GLUL: variants seen among roughly 807,000 people sequenced by gnomAD.
The protein encoded by GLUL is glutamine synthetase.
A neutral mutation model predicts 36.9 loss-of-function variants in GLUL; 8 were observed. The observed-to-expected ratio is 0.22, with a 90% CI of 0.13 to 0.39. The LOEUF is 0.39. GLUL is among the 10% of genes least tolerant of loss of function. The pLI is 1.00. For synonymous variants in GLUL, 182 were observed against 172.8 expected (o/e 1.05, Z -0.42); for missense variants, 315 against 501.8 (o/e 0.63, Z 3.56).
At position 182,384,472 on chromosome 1, in the gene GLUL, G is replaced by A. The variant is rs775847676; in HGVS notation, c.1055C>T (p.Thr352Ile). Residue 352 changes from threonine to isoleucine, a missense_variant, in exon 7 of 7, where the codon ACA becomes ATA. This residue lies in a region of GLUL where 58 missense variants were observed against 89.5 expected (regional missense o/e 0.65). Coordinates refer to ENST00000331872, the MANE Select transcript of GLUL (RefSeq NM_001033044.4). Reference sequence around the variant, plus strand: ...AAGACACGTGCGGATGAGGGCTTCTGTCACCGAAAAGGGGTCGCAGTTGGC... The same window carrying A: ...AAGACACGTGCGGATGAGGGCTTCTATCACCGAAAAGGGGTCGCAGTTGGC... Reference protein sequence around the residue: ...PSANCDPFSVTEALIRTCLLN... With the variant: ...PSANCDPFSVIEALIRTCLLN... 4 of 1,613,852 alleles carry A rather than the reference G, an allele frequency of 2.5e-6. No individual in the cohort carries two copies. The South Asian group carries it at 4.4e-5, about 18-fold the overall frequency.
intron 1 of GLUL, chr1:182,388,992 C>A: frequency 2.2e-6 from 1 of 455,308 alleles, no homozygotes; most frequent in Non-Finnish European, 4.1e-6. Context: ...AAACAATTAA[C>A]ACAGATGCCT....
intron 1 of GLUL, chr1:182,391,379 G>C (rs1431368858): frequency 5.0e-6 from 2 of 397,522 alleles, no homozygotes; most frequent in African/African-American, 2.1e-5. Context: ...ACGGCCTCCA[G>C]GGGCGGCGCT....
chr1:182,385,020 CT>C, intron 6 of GLUL: 1 of 380,578 alleles, frequency 2.6e-6, no homozygotes, highest in South Asian at 3.3e-5. Context: ...AATTTGTCAA[CT>C]TTTCCCTGTC....
In GLUL at chr1:182,384,202, G is replaced by A; in HGVS notation, c.*203C>T. ...AAAGCTTCAGTGATAGGGAAAAAAA[G>A]GAGGGTAGGTGTGAAGAAATTAATA... On this transcript the variant is annotated 3_prime_UTR_variant, in exon 7 of 7. Transcript: ENST00000331872. The A allele has an allele frequency of 5.1e-6, 3 of 583,668 alleles. No individual in the cohort carries two copies. The highest frequency in any genetic ancestry group is 6.0e-5 in the East Asian group (2 of 33,566). The allele number at this position is 583,668 out of a possible 1,614,324, so 36.2% of individuals were successfully genotyped here.
chr1:182,384,915 T>TA lies in GLUL; in HGVS notation c.804-193dup, dbSNP rs71573268. The TA allele has an allele frequency of 8.8e-3, 5,463 of 622,554 alleles. 21 individuals carry two copies. Among genetic ancestry groups the TA allele is most frequent in the Non-Finnish European group, 0.012 (4,301 of 348,332 alleles). The allele number at this position is 622,554 out of a possible 1,614,324, so 38.6% of individuals were successfully genotyped here. The stretch of plus-strand genomic sequence containing the variant: ...CAAAGTTACTGTTTGTTGAAAAGAC[T>TA]AATCATTTGAAACTTTCTCCCCCTC... On this transcript the variant is annotated intron_variant, in intron 6 of 6. Coordinates refer to ENST00000331872, the MANE Select transcript of GLUL (RefSeq NM_001033044.4).
At position 182,390,191 on chromosome 1, in the gene GLUL, C is replaced by T. The variant is rs189091097; in HGVS notation, c.-13-1441G>A. 2.3e-3 allele frequency: 477 copies of T among 209,544 alleles called. 2 individuals carry two copies. The highest frequency in any genetic ancestry group is 9.6e-3 in the African/African-American group (419 of 43,734). 13.0% of individuals were successfully genotyped at this position (209,544 alleles called of 1,614,324 possible). A position where few individuals can be genotyped will look rare whatever the true frequency, so the allele number is the denominator to read the frequency against. On this transcript the variant is annotated intron_variant, in intron 1 of 6. Coordinates refer to ENST00000331872, the MANE Select transcript of GLUL (RefSeq NM_001033044.4). ...TGAGCCGGGAGATTGCACCACTGCACTCCAACCTGGGTAACAGATAGAGAC... is the reference window on the plus strand; with the variant it reads ...TGAGCCGGGAGATTGCACCACTGCATTCCAACCTGGGTAACAGATAGAGAC...
intron 1 of GLUL, chr1:182,391,232 G>T: frequency 2.5e-6 from 1 of 398,752 alleles, no homozygotes; most frequent in East Asian, 3.6e-5. Flanking sequence ...CGATTGCTCC[G>T]AAGGCCCCAC....
rs770004985 is a variant in GLUL, at chr1:182,385,564, C to T, written c.604-8G>A. On this transcript the variant is annotated splice_polypyrimidine_tract_variant and splice_region_variant and intron_variant, in intron 5 of 6. Coordinates refer to ENST00000331872, the MANE Select transcript of GLUL (RefSeq NM_001033044.4). ...TCCAATCTGAAATTCCCACTAGAAA[C>T]GAGAAGCTTGGCCATTAAAACAAAG... 18 of 1,613,276 alleles carry T rather than the reference C, an allele frequency of 1.1e-5. No individual in the cohort carries two copies. Among genetic ancestry groups the T allele is most frequent in the East Asian group, 2.2e-5 (1 of 44,894 alleles).
chr1:182,380,559 G>A lies in GLUL; in HGVS notation c.*3846C>T. Among the ~76,000 whole-genome samples the A allele has an allele frequency of 6.6e-6, 1 of 152,342 alleles. No homozygotes were observed. Among genetic ancestry groups the A allele is most frequent in the Middle Eastern group, 3.4e-3 (1 of 294 alleles). ...GATCCTCCTGCTGCAGCCTCACAAA[G>A]TGTTGGGATCACAGGCGTAAGCCAC... is the stretch of plus-strand genomic sequence containing the variant. On this transcript the variant is annotated 3_prime_UTR_variant, in exon 7 of 7. Coordinates refer to ENST00000331872, the MANE Select transcript of GLUL (RefSeq NM_001033044.4).
In GLUL at chr1:182,379,383, T is replaced by C. The variant is rs1472269112; in HGVS notation, c.*5022A>G. Among the ~76,000 whole-genome samples the C allele has an allele frequency of 6.6e-6, 1 of 151,732 alleles. No homozygotes were observed. Among genetic ancestry groups the C allele is most frequent in the Non-Finnish European group, 1.5e-5 (1 of 67,918 alleles). On this transcript the variant is annotated 3_prime_UTR_variant, in exon 7 of 7. Transcript: ENST00000331872. ...AATTATAGGCACCCACCACCACATCTTGCTAATTTTGGTATTTTTAATAGA... is the reference window on the plus strand; with the variant it reads ...AATTATAGGCACCCACCACCACATCCTGCTAATTTTGGTATTTTTAATAGA...
In GLUL at chr1:182,380,599, A is replaced by C. The variant is rs180747651; in HGVS notation, c.*3806T>G. Among the ~76,000 whole-genome samples the C allele has an allele frequency of 2.0e-5, 3 of 152,232 alleles. No homozygotes were observed. The South Asian group carries it at 6.2e-4, about 32-fold the overall frequency. On this transcript the variant is annotated 3_prime_UTR_variant, in exon 7 of 7. Transcript: ENST00000331872. ...GCGTAAGCCACTTCACCTGGCCTTG[A>C]TTCTTTTTAAGCTCAATAAAAATGG...
intron 2 of GLUL, 46 bp from the exon 3 acceptor site, chr1:182,387,338 T>G (rs1650228486): frequency 7.1e-7 from 1 of 1,409,986 alleles, no homozygotes. Flanking sequence ...TACAGGAGCT[T>G]TCCAAGCAAT....
Position 182,379,311 on chromosome 1 carries a change from C to T in GLUL, c.*5094G>A, listed in dbSNP as rs980594014. Among the ~76,000 whole-genome samples, 7 of 151,688 alleles carry T rather than the reference C, an allele frequency of 4.6e-5. No individual in the cohort carries two copies. The highest frequency in any genetic ancestry group is 1.7e-4 in the African/African-American group (7 of 41,238). Reference sequence around the variant, plus strand: ...GATCTTTGCTTACTGTAACCTCTGCCTCCCTGGCTCCAGCGATCCTCCTGC... The same window carrying T: ...GATCTTTGCTTACTGTAACCTCTGCTTCCCTGGCTCCAGCGATCCTCCTGC... On this transcript the variant is annotated 3_prime_UTR_variant, in exon 7 of 7. Coordinates refer to ENST00000331872, the MANE Select transcript of GLUL (RefSeq NM_001033044.4).
intron 3 of GLUL, chr1:182,386,849 C>T: frequency 1.9e-6 from 1 of 526,914 alleles, no homozygotes; most frequent in South Asian, 2.1e-5. Flanking sequence ...TTGTCCTGGC[C>T]TACATTCCAG....
Position 182,381,191 on chromosome 1 carries a change from T to C in GLUL, c.*3214A>G, listed in dbSNP as rs1165406289. ...CTGAGGCAGGAGAATCGCTTGAATC[T>C]GGGAGGCAGAAGTTGCAGTGAGCCA... is the stretch of plus-strand genomic sequence containing the variant. On this transcript the variant is annotated 3_prime_UTR_variant, in exon 7 of 7. Coordinates refer to ENST00000331872, the MANE Select transcript of GLUL (RefSeq NM_001033044.4). Among the ~76,000 whole-genome samples the C allele has an allele frequency of 6.6e-6, 1 of 152,170 alleles. No individual in the cohort carries two copies. The highest frequency in any genetic ancestry group is 6.5e-5 in the Admixed American group (1 of 15,276).
chr1:182,391,199 C>G (rs1650402784), intron 1 of GLUL: 1 of 398,430 alleles, frequency 2.5e-6, no homozygotes, highest in Admixed American at 4.4e-5. Context: ...ATCGAGGCGT[C>G]TCAACCATCG....
chr1:182,385,320 C>A, intron 6 of GLUL, 37 bp downstream of exon 6: 3 of 1,483,982 alleles, frequency 2.0e-6, no homozygotes, highest in Non-Finnish European at 2.8e-6. Context: ...TTTTCTGCCA[C>A]AGGAGATTAA....
rs1001948770 is a variant in GLUL at position 182,380,055 on chromosome 1, C to T, written c.*4350G>A. 6.6e-6 allele frequency among the ~76,000 whole-genome samples: 1 copy of T among 151,904 alleles called. No individual in the cohort carries two copies. Among genetic ancestry groups the T allele is most frequent in the Admixed American group, 6.6e-5 (1 of 15,228 alleles). On this transcript the variant is annotated 3_prime_UTR_variant, in exon 7 of 7. Coordinates refer to ENST00000331872, the MANE Select transcript of GLUL (RefSeq NM_001033044.4). ...GACACAGCTTGTTTCACCATATTGG[C>T]CCGGCTGGTCTCAAACTCCCGATCT...
chr1:182,386,803 A>C, intron 3 of GLUL: 1 of 462,102 alleles, frequency 2.2e-6, no homozygotes, highest in African/African-American at 2.0e-5. Flanking sequence ...GAGCCATTCT[A>C]TAATTTTTGA....
Sources: allele counts gnomAD v4.1 joint callset (sites outside exome capture counted in the v4.1 genomes callset), GRCh38; gene constraint gnomAD v4.1.1; regional missense constraint gnomAD v4.1.1; transcripts MANE v1.5; gene names NCBI Gene and HGNC (gene_info 2026-07-23, HGNC 2026-07-21).